BMPR1B: variants seen among roughly 807,000 people sequenced by gnomAD.
BMPR1B encodes bone morphogenetic protein receptor type 1B.
Under a neutral mutation model 59.1 loss-of-function variants are expected in BMPR1B, and 12 were observed. The observed-to-expected ratio is 0.20, with a 90% CI of 0.13 to 0.33. The LOEUF is 0.33. Ranked by LOEUF, BMPR1B falls within the 10% of genes least tolerant of loss-of-function variation. BMPR1B has a pLI of 1.00. For synonymous variants in BMPR1B, 237 were observed against 207.3 expected (o/e 1.14, Z -1.23); for missense variants, 550 against 610.9 (o/e 0.90, Z 1.05).
At chr4:94,764,502 G>A (rs1012177704) in intron 1 of BMPR1B, among the ~76,000 whole-genome samples, 3 of 152,106 alleles carry the variant, frequency 2.0e-5, no homozygotes, top group African/African-American at 7.2e-5. Flanking sequence ...CCCACACCCT[G>A]TTACATTGTC....
chr4:95,153,657 T>G (rs1351359679), intron 12 of BMPR1B, among the ~76,000 whole-genome samples: 1 of 152,136 alleles, frequency 6.6e-6, no homozygotes, highest in African/African-American at 2.4e-5. Context: ...GAGACCAGCC[T>G]GGCCAATATA....
chr4:94,786,739 C>T (rs545931702), intron 1 of BMPR1B, among the ~76,000 whole-genome samples: 160 of 151,832 alleles, frequency 1.1e-3, no homozygotes, highest in Admixed American at 2.4e-3. Context: ...AGAGATGGGG[C>T]TTCACCGTGT....
chr4:94,898,394 G>A (rs1030327963), intron 2 of BMPR1B, among the ~76,000 whole-genome samples: 5 of 152,004 alleles, frequency 3.3e-5, no homozygotes, highest in Admixed American at 2.0e-4. Flanking sequence ...TCCCATAATC[G>A]TCACTTGTCA....
At chr4:94,848,149 C>G (rs1725413459) in intron 1 of BMPR1B, among the ~76,000 whole-genome samples, 1 of 151,994 alleles carries the variant, frequency 6.6e-6, no homozygotes, top group African/African-American at 2.4e-5. Context: ...TAAGTAAATG[C>G]AATTCTAGCC....
intron 2 of BMPR1B, among the ~76,000 whole-genome samples, chr4:94,886,601 G>T (rs1039972749): frequency 5.3e-5 from 8 of 152,176 alleles, no homozygotes; most frequent in African/African-American, 1.9e-4. Context: ...TGGAGAGTTG[G>T]TAGTACAGTA....
chr4:94,759,968 T>C (rs1721696405), intron 1 of BMPR1B, among the ~76,000 whole-genome samples: 2 of 152,202 alleles, frequency 1.3e-5, no homozygotes. Flanking sequence ...GGCCTAGAGC[T>C]ACAAAACTTG....
intron 3 of BMPR1B, among the ~76,000 whole-genome samples, chr4:95,103,256 T>C (rs1730955729): frequency 6.6e-6 from 1 of 152,074 alleles, no homozygotes; most frequent in Non-Finnish European, 1.5e-5. Context: ...GACTTCTAAT[T>C]CTCTGATGGA....
In BMPR1B at chr4:95,154,957, A is replaced by T. The variant is rs1309674635; in HGVS notation, c.*284A>T. ...TTCTAAGAAAGCCCTGTATTTTGTG[A>T]TTGCCTTTTTTTTTTTTTAAGATGC... On this transcript the variant is annotated 3_prime_UTR_variant, in exon 13 of 13. Transcript: ENST00000515059. 1.1e-5 allele frequency: 4 copies of T among 361,900 alleles called. No individual in the cohort carries two copies. The highest frequency in any genetic ancestry group is 2.0e-5 in the Non-Finnish European group (4 of 196,014). The allele number at this position is 361,900 out of a possible 1,614,324, so 22.4% of individuals were successfully genotyped here. A position where few individuals can be genotyped will look rare whatever the true frequency, so the allele number is the denominator to read the frequency against.
intron 2 of BMPR1B, among the ~76,000 whole-genome samples, chr4:94,908,882 C>T (rs1309205410): frequency 5.3e-5 from 8 of 151,998 alleles, no homozygotes; most frequent in South Asian, 4.1e-4. Flanking sequence ...CTAGGACTGC[C>T]GTAAGAAATT....
intron 1 of BMPR1B, among the ~76,000 whole-genome samples, chr4:94,777,869 T>C (rs1722437814): frequency 6.6e-6 from 1 of 151,804 alleles, no homozygotes; most frequent in African/African-American, 2.4e-5. Flanking sequence ...CTACTAAAAA[T>C]ACAAAAATTA....
chr4:94,858,498 AT>A (rs1184521642), intron 1 of BMPR1B, among the ~76,000 whole-genome samples: 2 of 152,208 alleles, frequency 1.3e-5, no homozygotes, highest in African/African-American at 4.8e-5. Context: ...TGGATTAGGC[AT>A]TTATTTTAAG....
intron 2 of BMPR1B, among the ~76,000 whole-genome samples, chr4:94,914,213 G>A (rs1278837853): frequency 6.6e-6 from 1 of 152,114 alleles, no homozygotes; most frequent in Non-Finnish European, 1.5e-5. Context: ...TGTGCAGCTA[G>A]GTGGTCTCGA....
intron 3 of BMPR1B, among the ~76,000 whole-genome samples, chr4:95,099,671 A>G (rs1340225810): frequency 6.6e-6 from 1 of 152,148 alleles, no homozygotes; most frequent in Non-Finnish European, 1.5e-5. Flanking sequence ...AGATTTATTT[A>G]TTATTTTTTA....
chr4:94,989,463 A>G (rs1031218671), intron 2 of BMPR1B, among the ~76,000 whole-genome samples: 1 of 152,092 alleles, frequency 6.6e-6, no homozygotes, highest in African/African-American at 2.4e-5. Flanking sequence ...TCAAGGAAGC[A>G]TTAAATTAAA....
rs765723102 is a variant in BMPR1B at position 95,156,883 on chromosome 4, GATCATCTACAA to G, written c.*2212_*2222del. 6.6e-6 allele frequency: 1 copy of G among 152,144 alleles called. No homozygotes were observed. Among genetic ancestry groups the G allele is most frequent in the African/African-American group, 2.4e-5 (1 of 41,446 alleles). The allele number at this position is 152,144 out of a possible 1,614,324, so 9.4% of individuals were successfully genotyped here. On this transcript the variant is annotated 3_prime_UTR_variant, in exon 13 of 13. Transcript: ENST00000515059. ...AGAGAAACTTCAGTGCCTCTAAACA[GATCATCTACAA>G]AACAACAGGTAAACATTTATGCCAG...
intron 1 of BMPR1B, among the ~76,000 whole-genome samples, chr4:94,794,928 A>G (rs1417536981): frequency 1.8e-4 from 27 of 146,874 alleles, no homozygotes; most frequent in East Asian, 8.3e-4. Flanking sequence ...GGCTGAGACA[A>G]TGGGGTTTTC....
chr4:94,892,300 G>C (rs73836183), intron 2 of BMPR1B, among the ~76,000 whole-genome samples: 7,459 of 152,070 alleles, frequency 0.049, 450 homozygotes, highest in African/African-American at 0.14. Flanking sequence ...GGAAATGCAC[G>C]TTTCACCCCA....
intron 10 of BMPR1B, among the ~76,000 whole-genome samples, chr4:95,142,697 C>T (rs548998599): frequency 2.0e-5 from 3 of 152,158 alleles, no homozygotes; most frequent in African/African-American, 7.2e-5. Context: ...CAACTCTTTC[C>T]CTGCGCTCGC....
At chr4:95,026,389 C>T (rs1668018545) in intron 3 of BMPR1B, among the ~76,000 whole-genome samples, 1 of 151,878 alleles carries the variant, frequency 6.6e-6, no homozygotes, top group Non-Finnish European at 1.5e-5. Flanking sequence ...ACTTTCTGTC[C>T]ATATTGGCTG....
Sources: allele counts gnomAD v4.1 joint callset (sites outside exome capture counted in the v4.1 genomes callset), GRCh38; gene constraint gnomAD v4.1.1; transcripts MANE v1.5; gene names NCBI Gene and HGNC (gene_info 2026-07-23, HGNC 2026-07-21).